The following TNNI3K variants were observed in gnomAD, a reference collection of about 807,000 sequenced individuals.
TNNI3K encodes the protein serine/threonine-protein kinase TNNI3K.
In TNNI3K, 140 loss-of-function variants were observed where a neutral mutation model predicts 114.5. That is an observed-to-expected ratio of 1.22 (90% CI 1.07 to 1.41). The LOEUF is 1.41. TNNI3K is among the 40% of genes most tolerant of loss of function. The pLI is 0.00. For synonymous variants in TNNI3K, 347 were observed against 347.5 expected (o/e 1.00, Z 0.02); for missense variants, 1,125 against 1,007.6 (o/e 1.12, Z -1.58).
At chr1:74,454,583 G>A (rs1667155732) in intron 20 of TNNI3K, among the ~76,000 whole-genome samples, 1 of 152,090 alleles carries the variant, frequency 6.6e-6, no homozygotes, top group Non-Finnish European at 1.5e-5. Flanking sequence ...TATTCCTTGT[G>A]AATATGTACC....
At chr1:74,240,526 T>C (rs1180363031) in intron 2 of TNNI3K, 2 of 152,214 alleles carry the variant, frequency 1.3e-5, no homozygotes, top group African/African-American at 4.8e-5. Flanking sequence ...GATTTCAAAA[T>C]GTATCATATT....
intron 9 of TNNI3K, among the ~76,000 whole-genome samples, chr1:74,348,497 A>G (rs1005874022): frequency 2.0e-5 from 3 of 152,204 alleles, no homozygotes; most frequent in Non-Finnish European, 4.4e-5. Context: ...TCTTGGTTCC[A>G]TAAGAACTTT....
intron 17 of TNNI3K, chr1:74,401,833 G>A: frequency 2.2e-6 from 1 of 451,984 alleles, no homozygotes; most frequent in Non-Finnish European, 4.4e-6. Flanking sequence ...AATTCTTCAA[G>A]CAAAGGTCTG....
In TNNI3K at chr1:74,441,675, T is replaced by C. The variant is rs192583145; in HGVS notation, c.2011+2053T>C. Among the ~76,000 whole-genome samples, 40 of 152,250 alleles carry C rather than the reference T, an allele frequency of 2.6e-4. No homozygotes were observed. The East Asian group carries it at 7.1e-3, about 27-fold the overall frequency. On this transcript the variant is annotated intron_variant, in intron 20 of 24. Coordinates refer to ENST00000326637, the MANE Select transcript of TNNI3K (RefSeq NM_015978.3). ...AGTTGTTTATTTTTAAATATATATG[T>C]ATATATTAGGCATTTGAGTGGGGGT...
intron 20 of TNNI3K, among the ~76,000 whole-genome samples, chr1:74,446,948 G>C (rs1299882042): frequency 3.0e-5 from 3 of 101,350 alleles, no homozygotes; most frequent in African/African-American, 1.1e-4. Context: ...CTGTAGCCTT[G>C]TAGTATAGTT....
At chr1:74,262,755 A>G (rs1655755150) in intron 4 of TNNI3K, among the ~76,000 whole-genome samples, 1 of 152,080 alleles carries the variant, frequency 6.6e-6, no homozygotes, top group African/African-American at 2.4e-5. Context: ...TTCTAAATGA[A>G]CACATTCTCA....
intron 5 of TNNI3K, among the ~76,000 whole-genome samples, chr1:74,312,266 T>G (rs892624292): frequency 6.6e-6 from 1 of 152,324 alleles, no homozygotes; most frequent in South Asian, 2.1e-4. Flanking sequence ...TTAAAAGCAG[T>G]CACCTGCCAA....
chr1:74,274,129 T>A lies in TNNI3K; in HGVS notation c.444+2421T>A, dbSNP rs186519351. ...ACAGTCCATTATCATGTATTTTTAA[T>A]GTTACATGTATTATATACTATATTC... On this transcript the variant is annotated intron_variant, in intron 5 of 24. Coordinates refer to ENST00000326637, the MANE Select transcript of TNNI3K (RefSeq NM_015978.3). Among the ~76,000 whole-genome samples, 3 of 152,062 alleles carry A rather than the reference T, an allele frequency of 2.0e-5. No homozygotes were observed. In the East Asian group the frequency reaches 5.8e-4, roughly 29 times the overall value.
chr1:74,362,853 A>G lies in TNNI3K; in HGVS notation c.1178-4403A>G, dbSNP rs116270478. Among the ~76,000 whole-genome samples, 1,326 of 152,262 alleles carry G rather than the reference A, an allele frequency of 8.7e-3. 15 individuals are homozygous for G. The highest frequency in any genetic ancestry group is 0.026 in the South Asian group (124 of 4,820). On this transcript the variant is annotated intron_variant, in intron 11 of 24. Transcript: ENST00000326637. The stretch of plus-strand genomic sequence containing the variant: ...TGGAGAATACACACAGGACTGAAAG[A>G]GTGAGGAGCAGGAAATGAAAGAGAT...
chr1:74,504,172 T>C (rs569789924), intron 23 of TNNI3K, among the ~76,000 whole-genome samples: 2 of 152,218 alleles, frequency 1.3e-5, no homozygotes, highest in Non-Finnish European at 2.9e-5. Context: ...GCCCTCTGCA[T>C]TGCATGCTTC....
intron 4 of TNNI3K, among the ~76,000 whole-genome samples, chr1:74,260,624 CATT>C (rs1038626482): frequency 1.4e-4 from 21 of 152,106 alleles, no homozygotes; most frequent in East Asian, 1.2e-3. Flanking sequence ...AAAAATTAAC[CATT>C]ATTGTTGTTG....
At chr1:74,289,129 G>C (rs191392701) in intron 5 of TNNI3K, among the ~76,000 whole-genome samples, 181 of 151,974 alleles carry the variant, frequency 1.2e-3, no homozygotes, top group African/African-American at 4.2e-3. Flanking sequence ...CAAAGAAGCA[G>C]CTAAATTAGT....
chr1:74,439,041 G>T (rs1309740658), intron 19 of TNNI3K: 4 of 152,480 alleles, frequency 2.6e-5, no homozygotes, highest in African/African-American at 9.7e-5. Flanking sequence ...ACTTGAAGGA[G>T]GTGCCTCCCA....
chr1:74,395,004 A>C (rs1664003385), intron 17 of TNNI3K, among the ~76,000 whole-genome samples: 1 of 151,010 alleles, frequency 6.6e-6, no homozygotes, highest in African/African-American at 2.5e-5. Context: ...AGATCGCGCC[A>C]CTGCACTCCA....
intron 21 of TNNI3K, among the ~76,000 whole-genome samples, chr1:74,465,231 G>T (rs953958704): frequency 1.3e-5 from 2 of 152,184 alleles, no homozygotes; most frequent in African/African-American, 2.4e-5. Flanking sequence ...CCCTCTCTGG[G>T]CTGGCCGAGG....
chr1:74,507,255 A>G (rs997646897), intron 23 of TNNI3K, among the ~76,000 whole-genome samples: 2 of 136,658 alleles, frequency 1.5e-5, no homozygotes, highest in Admixed American at 7.9e-5. Flanking sequence ...ACAAAAATAC[A>G]TAAAGGATTC....
chr1:74,509,081 C>G (rs1250441752), intron 23 of TNNI3K, among the ~76,000 whole-genome samples: 1 of 152,132 alleles, frequency 6.6e-6, no homozygotes, highest in Non-Finnish European at 1.5e-5. Flanking sequence ...TATTCAGACA[C>G]TTTCTTCTTC....
intron 5 of TNNI3K, among the ~76,000 whole-genome samples, chr1:74,309,366 CAAA>C (rs71078188): frequency 4.2e-5 from 1 of 24,082 alleles, no homozygotes; most frequent in African/African-American, 1.8e-4. Context: ...GACTCTGTCT[CAAA>C]AAAAAAAAAA....
chr1:74,465,700 A>G (rs1373676457), intron 21 of TNNI3K, among the ~76,000 whole-genome samples: 1 of 152,208 alleles, frequency 6.6e-6, no homozygotes, highest in African/African-American at 2.4e-5. Flanking sequence ...GGTATCCACT[A>G]GGCAAAGCCA....
Sources: allele counts gnomAD v4.1 joint callset (sites outside exome capture counted in the v4.1 genomes callset), GRCh38; gene constraint gnomAD v4.1.1; transcripts MANE v1.5; gene names NCBI Gene and HGNC (gene_info 2026-07-23, HGNC 2026-07-21).